C19orf44: variants seen among roughly 807,000 people sequenced by gnomAD.
C19orf44 encodes the protein chromosome 19 open reading frame 44, also known as uncharacterized protein C19orf44.
A neutral mutation model predicts 50.7 loss-of-function variants in C19orf44; 43 were observed. The ratio of observed to expected loss-of-function variants is 0.85; its 90% CI spans 0.66 to 1.09. The LOEUF is 1.09. Among genes scored for constraint, C19orf44 ranks in the 50% least tolerant of loss-of-function variants. The pLI, the probability that C19orf44 is intolerant of heterozygous loss-of-function variation, is 0.00. For missense variants in C19orf44, 722 were observed against 836.2 expected, an observed-to-expected ratio of 0.86 and a Z score of 1.68; for synonymous variants, 298 against 334.7, an observed-to-expected ratio of 0.89 and a Z score of 1.20.
In C19orf44 at chr19:16,520,305, G is replaced by T. The variant is rs796284844; in HGVS notation, c.*252G>T. ...GCCCAAGGGTCAGCAGCAGCCAGGC[G>T]TCGTGGGGAGGCCACAGGAAGAGGC... is the stretch of plus-strand genomic sequence containing the variant. On this transcript the variant is annotated 3_prime_UTR_variant, in exon 9 of 9. Transcript: ENST00000221671. This position sits in a 1 kb window ranked among gnomAD's most constrained non-coding sequence, Gnocchi z 4.0. 6.2e-7 allele frequency: 1 copy of T among 1,611,208 alleles called. No homozygotes were observed. The highest frequency in any genetic ancestry group is 8.5e-7 in the Non-Finnish European group (1 of 1,178,154).
At chr19:16,498,225 T>G (rs1457727176) in intron 1 of C19orf44, among the ~76,000 whole-genome samples, 2 of 152,122 alleles carry the variant, frequency 1.3e-5, no homozygotes, top group Non-Finnish European at 2.9e-5. Flanking sequence ...GAACCAACTG[T>G]TTTCCACATT....
In C19orf44 at chr19:16,521,205, G is replaced by C. The variant is rs994242122; in HGVS notation, c.*1152G>C. 5 of 579,368 alleles carry C rather than the reference G, an allele frequency of 8.6e-6. No individual in the cohort carries two copies. The highest frequency in any genetic ancestry group is 1.5e-5 in the Non-Finnish European group (5 of 324,126). 35.9% of individuals were successfully genotyped at this position (579,368 alleles called of 1,614,324 possible). A position where few individuals can be genotyped will look rare whatever the true frequency, so the allele number is the denominator to read the frequency against. On this transcript the variant is annotated 3_prime_UTR_variant, in exon 9 of 9. Coordinates refer to ENST00000221671, the MANE Select transcript of C19orf44 (RefSeq NM_032207.4). Reference sequence around the variant, plus strand: ...GGAACACTGACTCATGGGTGGACAGGCCTGCAGCCCAGCACAGGAAGGAGG... The same window carrying C: ...GGAACACTGACTCATGGGTGGACAGCCCTGCAGCCCAGCACAGGAAGGAGG...
At position 16,521,214 on chromosome 19, in the gene C19orf44, C is replaced by A. The variant is rs116677014; in HGVS notation, c.*1161C>A. 202 of 575,932 alleles carry A rather than the reference C, an allele frequency of 3.5e-4. No individual in the cohort carries two copies. The highest frequency in any genetic ancestry group is 3.4e-3 in the African/African-American group (181 of 53,546). 35.7% of individuals were successfully genotyped at this position (575,932 alleles called of 1,614,324 possible). A position where few individuals can be genotyped will look rare whatever the true frequency, so the allele number is the denominator to read the frequency against. ...ACTCATGGGTGGACAGGCCTGCAGCCCAGCACAGGAAGGAGGGGTGACCAC... is the reference window on the plus strand; with the variant it reads ...ACTCATGGGTGGACAGGCCTGCAGCACAGCACAGGAAGGAGGGGTGACCAC... On this transcript the variant is annotated 3_prime_UTR_variant, in exon 9 of 9. Transcript: ENST00000221671.
chr19:16,520,312 GGA>G lies in C19orf44; in HGVS notation c.*261_*262del. On this transcript the variant is annotated 3_prime_UTR_variant, in exon 9 of 9. Transcript: ENST00000221671. The surrounding 1 kb of genome is among the most constrained non-coding windows in gnomAD (Gnocchi z 4.0). ...GGTCAGCAGCAGCCAGGCGTCGTGG[GGA>G]GGCCACAGGAAGAGGCCTCAGGCAC... is the stretch of plus-strand genomic sequence containing the variant. 1 of 1,610,788 alleles carries G rather than the reference GGA, an allele frequency of 6.2e-7. No homozygotes were observed. Among genetic ancestry groups the G allele is most frequent in the Non-Finnish European group, 8.5e-7 (1 of 1,177,730 alleles).
chr19:16,512,659 G>A (rs1433889026), intron 5 of C19orf44, among the ~76,000 whole-genome samples: 1 of 152,002 alleles, frequency 6.6e-6, no homozygotes, highest in African/African-American at 2.4e-5. Context: ...CTTGAGCCTA[G>A]GAGTTCAAGA....
intron 5 of C19orf44, among the ~76,000 whole-genome samples, chr19:16,512,207 C>T (rs370856848): frequency 1.3e-5 from 2 of 151,946 alleles, no homozygotes; most frequent in Admixed American, 1.3e-4. Flanking sequence ...GTATTTTCAA[C>T]CTGGGATCTG....
intron 6 of C19orf44, among the ~76,000 whole-genome samples, chr19:16,513,749 C>G (rs1405505656): frequency 6.6e-6 from 1 of 152,128 alleles, no homozygotes; most frequent in Admixed American, 6.6e-5. Context: ...AGTTTATTTC[C>G]CCTGAAGACA....
rs1373291598 is a variant in C19orf44 at position 16,519,040 on chromosome 19, C to T, written c.*41-1054C>T. 3.4e-5 allele frequency: 32 copies of T among 938,758 alleles called. No individual in the cohort carries two copies. The highest frequency in any genetic ancestry group is 4.9e-5 in the Non-Finnish European group (31 of 631,682). 58.2% of individuals were successfully genotyped at this position (938,758 alleles called of 1,614,324 possible). On this transcript the variant is annotated intron_variant, in intron 8 of 8. Coordinates refer to ENST00000221671, the MANE Select transcript of C19orf44 (RefSeq NM_032207.4). This position sits in a 1 kb window ranked among gnomAD's most constrained non-coding sequence, Gnocchi z 6.0. ...TGGTCTTCCTTCTCTTCCTGTGGCT[C>T]TCCACAAGTGGAGACGGTGTAAGAA...
chr19:16,520,574 C>G lies in C19orf44; in HGVS notation c.*521C>G, dbSNP rs1040724590. Reference sequence around the variant, plus strand: ...GCTGCACCCAGCCCACCCTGGCCCTCAGGTTCCTAGACCACCCCAGATGCA... The same window carrying G: ...GCTGCACCCAGCCCACCCTGGCCCTGAGGTTCCTAGACCACCCCAGATGCA... On this transcript the variant is annotated 3_prime_UTR_variant, in exon 9 of 9. Coordinates refer to ENST00000221671, the MANE Select transcript of C19orf44 (RefSeq NM_032207.4). The surrounding 1 kb of genome is among the most constrained non-coding windows in gnomAD (Gnocchi z 4.0). 1 of 1,554,920 alleles carries G rather than the reference C, an allele frequency of 6.4e-7. No individual in the cohort carries two copies. Among genetic ancestry groups the G allele is most frequent in the Non-Finnish European group, 8.7e-7 (1 of 1,147,666 alleles).
chr19:16,513,590 G>T (rs1230281544), intron 6 of C19orf44, among the ~76,000 whole-genome samples: 2 of 152,120 alleles, frequency 1.3e-5, no homozygotes, highest in Admixed American at 1.3e-4. Flanking sequence ...CTCCATGTTG[G>T]CCAGGCTGGT....
Position 16,519,018 on chromosome 19 carries a change from TCTTC to T in C19orf44, c.*41-1071_*41-1068del. 1 of 795,572 alleles carries T rather than the reference TCTTC, an allele frequency of 1.3e-6. No individual in the cohort carries two copies. The allele number at this position is 795,572 out of a possible 1,614,324, so 49.3% of individuals were successfully genotyped here. ...GGCGTTCCCACTGGGCATGCGCTGGTCTTCCTTCTCTTCCTGTGGCTCTCCACAA... is the reference window on the plus strand; with the variant it reads ...GGCGTTCCCACTGGGCATGCGCTGGTCTTCTCTTCCTGTGGCTCTCCACAA... On this transcript the variant is annotated intron_variant, in intron 8 of 8. Transcript: ENST00000221671. The surrounding 1 kb of genome is among the most constrained non-coding windows in gnomAD (Gnocchi z 6.0).
rs199558097 is a variant in C19orf44, at chr19:16,509,587, C to T, written c.1238C>T (p.Ala413Val). Residue 413 changes from alanine to valine, a missense_variant, in exon 5 of 9, where the codon GCG becomes GTG. By Grantham distance (64) the Ala-to-Val change is moderately conservative. Coordinates refer to ENST00000221671, the MANE Select transcript of C19orf44 (RefSeq NM_032207.4). ...CAGGATGCCCCGAGGCAGGCCCAGG[C>T]GAGGAGCTGGGCATCACAGGGAAAG... ...TGQDAPRQAQARSWASQGKAA... is the reference protein window; with the variant it reads ...TGQDAPRQAQVRSWASQGKAA... The T allele has an allele frequency of 2.2e-5, 35 of 1,613,928 alleles. No homozygotes were observed. Among genetic ancestry groups the T allele is most frequent in the South Asian group, 1.6e-4 (15 of 91,038 alleles).
intron 4 of C19orf44, 101 bp from the exon 5 acceptor site, chr19:16,509,398 G>A: frequency 6.9e-7 from 1 of 1,447,232 alleles, no homozygotes; most frequent in East Asian, 2.3e-5. Context: ...CCCCTTGTCT[G>A]CGGGAGTGCT....
intron 2 of C19orf44, among the ~76,000 whole-genome samples, chr19:16,501,970 C>T (rs1478741310): frequency 6.7e-6 from 1 of 148,880 alleles, no homozygotes; most frequent in Non-Finnish European, 1.5e-5. Context: ...AGTGCAGTGG[C>T]GTGATCTCAG....
chr19:16,516,031 CAG>C (rs2093470631), intron 7 of C19orf44, among the ~76,000 whole-genome samples: 1 of 152,200 alleles, frequency 6.6e-6, no homozygotes, highest in Non-Finnish European at 1.5e-5. Flanking sequence ...CTCCCGACCA[CAG>C]GTGATCCACC....
At position 16,519,524 on chromosome 19, in the gene C19orf44, C is replaced by T; in HGVS notation, c.*41-570C>T. On this transcript the variant is annotated intron_variant, in intron 8 of 8. Coordinates refer to ENST00000221671, the MANE Select transcript of C19orf44 (RefSeq NM_032207.4). This position sits in a 1 kb window ranked among gnomAD's most constrained non-coding sequence, Gnocchi z 6.0. The stretch of plus-strand genomic sequence containing the variant: ...GAGTCAGAACCGGCCTGACTCCATC[C>T]ATCCCCACATGCACTGAGGAAGAGA... 1 of 1,297,960 alleles carries T rather than the reference C, an allele frequency of 7.7e-7. No individual in the cohort carries two copies. Among genetic ancestry groups the T allele is most frequent in the Non-Finnish European group, 1.1e-6 (1 of 900,886 alleles). 80.4% of individuals were successfully genotyped at this position (1,297,960 alleles called of 1,614,324 possible). A position where few individuals can be genotyped will look rare whatever the true frequency, so the allele number is the denominator to read the frequency against.
At chr19:16,516,703 C>T (rs2093473335) in intron 7 of C19orf44, among the ~76,000 whole-genome samples, 1 of 152,226 alleles carries the variant, frequency 6.6e-6, no homozygotes, top group Admixed American at 6.5e-5. Flanking sequence ...TCCCACATGC[C>T]CCGGGACGCT....
rs1179993371 is a variant in C19orf44, at chr19:16,514,420, C to T, written c.1736-77C>T. The T allele has an allele frequency of 6.4e-6, 9 of 1,405,978 alleles. No homozygotes were observed. In the African/African-American group the frequency reaches 8.8e-5, roughly 14 times the overall value. The allele number at this position is 1,405,978 out of a possible 1,614,324, so 87.1% of individuals were successfully genotyped here. ...AAAAAGATTTCAGAGAGCAGCCTGG[C>T]ACCTGAGCGGTGGGGGGGGGGCTGC... is the stretch of plus-strand genomic sequence containing the variant. On this transcript the variant is annotated intron_variant, in intron 6 of 8. Coordinates refer to ENST00000221671, the MANE Select transcript of C19orf44 (RefSeq NM_032207.4).
At chr19:16,518,502 G>C (rs534493681) in intron 8 of C19orf44, 1 of 152,202 alleles carries the variant, frequency 6.6e-6, no homozygotes, top group Admixed American at 6.6e-5. Context: ...GGGCCAGTAC[G>C]CCTTCGAAGA....
Sources: allele counts gnomAD v4.1 joint callset (sites outside exome capture counted in the v4.1 genomes callset), GRCh38; gene constraint gnomAD v4.1.1; non-coding constraint Gnocchi (gnomAD v3.1); transcripts MANE v1.5; gene names NCBI Gene and HGNC (gene_info 2026-07-23, HGNC 2026-07-21).